Variants in NALF1 observed in about 807,000 individuals in gnomAD.
NALF1 encodes NALCN channel auxiliary factor 1, also known as family with sequence similarity 155 member A.
In NALF1, 3 loss-of-function variants were observed where a neutral mutation model predicts 48.4. The ratio of observed to expected loss-of-function variants is 0.06; its 90% CI spans 0.03 to 0.16. The LOEUF (loss-of-function observed/expected upper bound fraction) is 0.16. Ranked by LOEUF, NALF1 falls within the 10% of genes least tolerant of loss-of-function variation. The pLI is 1.00. For missense variants in NALF1, 526 were observed against 571.5 expected, an observed-to-expected ratio of 0.92 and a Z score of 0.81; for synonymous variants, 262 against 245.7, an observed-to-expected ratio of 1.07 and a Z score of -0.62.
intron 1 of NALF1, among the ~76,000 whole-genome samples, chr13:107,464,042 T>G (rs1884960380): frequency 6.6e-6 from 1 of 152,136 alleles, no homozygotes; most frequent in South Asian, 2.1e-4. Flanking sequence ...ATAGTAAGAA[T>G]GTCTTTCCAG....
intron 1 of NALF1, among the ~76,000 whole-genome samples, chr13:107,331,208 T>C (rs894577425): frequency 2.0e-5 from 3 of 152,212 alleles, no homozygotes; most frequent in Admixed American, 6.5e-5. Flanking sequence ...TTTTAGCAGT[T>C]AGAGAAATTT....
intron 2 of NALF1, among the ~76,000 whole-genome samples, chr13:107,176,673 A>T (rs1011351355): frequency 6.6e-6 from 1 of 151,944 alleles, no homozygotes; most frequent in African/African-American, 2.4e-5. Context: ...AATAATACGC[A>T]TAAATTGTTT....
chr13:107,786,527 T>A (rs963982333), intron 1 of NALF1, among the ~76,000 whole-genome samples: 2 of 150,104 alleles, frequency 1.3e-5, no homozygotes, highest in Non-Finnish European at 3.0e-5. Flanking sequence ...AGTCAGGAGT[T>A]TGAGACCAGC....
At chr13:107,444,035 A>G (rs1284318065) in intron 1 of NALF1, among the ~76,000 whole-genome samples, 1 of 152,064 alleles carries the variant, frequency 6.6e-6, no homozygotes, top group East Asian at 1.9e-4. Flanking sequence ...CATATACCTG[A>G]GTACTTTGAT....
intron 1 of NALF1, among the ~76,000 whole-genome samples, chr13:107,503,134 C>A (rs1197744152): frequency 6.6e-6 from 1 of 152,178 alleles, no homozygotes; most frequent in Non-Finnish European, 1.5e-5. Flanking sequence ...ATAGGAACTT[C>A]AGCCAGGCCA....
intron 1 of NALF1, among the ~76,000 whole-genome samples, chr13:107,831,044 G>T (rs765292260): frequency 1.3e-5 from 2 of 152,164 alleles, no homozygotes; most frequent in Non-Finnish European, 2.9e-5. Context: ...AGTTGTAAAA[G>T]ATTCCTGCAA....
intron 1 of NALF1, among the ~76,000 whole-genome samples, chr13:107,532,471 G>A (rs1314402652): frequency 6.6e-6 from 1 of 151,994 alleles, no homozygotes; most frequent in African/African-American, 2.4e-5. Context: ...CTAGTGGTGT[G>A]TGCTTCCTCA....
chr13:107,681,152 G>A (rs1881291666), intron 1 of NALF1, among the ~76,000 whole-genome samples: 1 of 152,106 alleles, frequency 6.6e-6, no homozygotes, highest in African/African-American at 2.4e-5. Flanking sequence ...AAAATACCCG[G>A]CCATACATGT....
intron 1 of NALF1, among the ~76,000 whole-genome samples, chr13:107,782,817 C>T (rs1594263091): frequency 6.6e-6 from 1 of 151,902 alleles, no homozygotes; most frequent in South Asian, 2.1e-4. Flanking sequence ...CTCCGCTTGG[C>T]AACCGCCCCG....
chr13:107,826,327 T>A (rs1727483859), intron 1 of NALF1, among the ~76,000 whole-genome samples: 1 of 151,294 alleles, frequency 6.6e-6, no homozygotes, highest in Admixed American at 6.6e-5. Flanking sequence ...GTGTGTGTAG[T>A]TCCTACCAGA....
At chr13:107,571,289 A>G (rs937379395) in intron 1 of NALF1, among the ~76,000 whole-genome samples, 1 of 152,196 alleles carries the variant, frequency 6.6e-6, no homozygotes, top group African/African-American at 2.4e-5. Flanking sequence ...TGGAAAGACC[A>G]AAGTATGATT....
intron 1 of NALF1, among the ~76,000 whole-genome samples, chr13:107,556,531 G>A (rs1158572902): frequency 1.3e-5 from 2 of 151,824 alleles, no homozygotes; most frequent in African/African-American, 4.8e-5. Flanking sequence ...CACTCTTGTT[G>A]CCCAGGCTGG....
At position 107,435,095 on chromosome 13, in the gene NALF1, TG is replaced by T. The variant is rs530624950; in HGVS notation, c.916-224341del. Among the ~76,000 whole-genome samples the T allele has an allele frequency of 1.1e-4, 16 of 151,632 alleles. No individual in the cohort carries two copies. In the East Asian group the frequency reaches 1.9e-3, roughly 18 times the overall value. On this transcript the variant is annotated intron_variant, in intron 1 of 2. Coordinates refer to ENST00000375915, the MANE Select transcript of NALF1 (RefSeq NM_001080396.3). ...TGATGGGTTTAGTAAGATTTGGGGG[TG>T]GGGGGTAGTCTTAGCAACTTAGCAC...
At chr13:107,482,064 A>AT (rs1224176744) in intron 1 of NALF1, among the ~76,000 whole-genome samples, 9 of 152,006 alleles carry the variant, frequency 5.9e-5, no homozygotes, top group South Asian at 2.1e-4. Flanking sequence ...CTGTGAAAGT[A>AT]TTTTTTTTAA....
Position 107,866,597 on chromosome 13 carries a change from A to C in NALF1, c.-1T>G. On this transcript the variant is annotated 5_prime_UTR_variant, in exon 1 of 3. Coordinates refer to ENST00000375915, the MANE Select transcript of NALF1 (RefSeq NM_001080396.3). The surrounding 1 kb of genome is among the most constrained non-coding windows in gnomAD (Gnocchi z 4.4). ...GACACATCCAAGCACCCCTGGTCAT[A>C]TTTTGGGAACGCACAGCCCTGGCCG... The C allele has an allele frequency of 6.2e-7, 1 of 1,600,922 alleles. No individual in the cohort carries two copies. Among genetic ancestry groups the C allele is most frequent in the East Asian group, 2.2e-5 (1 of 44,796 alleles).
At chr13:107,176,534 C>T (rs1227074904) in intron 2 of NALF1, among the ~76,000 whole-genome samples, 1 of 151,666 alleles carries the variant, frequency 6.6e-6, no homozygotes, top group Non-Finnish European at 1.5e-5. Context: ...CCCAGCTGCT[C>T]AGGAGGCTGA....
At chr13:107,586,897 A>G (rs1878475809) in intron 1 of NALF1, among the ~76,000 whole-genome samples, 1 of 152,094 alleles carries the variant, frequency 6.6e-6, no homozygotes, top group Admixed American at 6.6e-5. Flanking sequence ...GGAATAGATT[A>G]GAAATAGATT....
rs1446658099 is a variant in NALF1 at position 107,824,690 on chromosome 13, T to C, written c.915+40992A>G. ...GTGTAGAAGATTCCCCCATTCTGTC[T>C]ATACAAATACAGGTAATCACAAAAT... On this transcript the variant is annotated intron_variant, in intron 1 of 2. Coordinates refer to ENST00000375915, the MANE Select transcript of NALF1 (RefSeq NM_001080396.3). Among the ~76,000 whole-genome samples, 6 of 152,240 alleles carry C rather than the reference T, an allele frequency of 3.9e-5. No homozygotes were observed. In the East Asian group the frequency reaches 1.2e-3, roughly 29 times the overall value.
rs144312179 is a variant in NALF1 at position 107,575,665 on chromosome 13, A to G, written c.915+290017T>C. On this transcript the variant is annotated intron_variant, in intron 1 of 2. Transcript: ENST00000375915. ...CATTCCTCGGGATCCTTTCTCTCCC[A>G]TTTTTCCATTTTGTTAAAGATGGAC... 6.9e-3 allele frequency among the ~76,000 whole-genome samples: 1,048 copies of G among 151,962 alleles called. 11 individuals are homozygous for G. The highest frequency in any genetic ancestry group is 0.024 in the African/African-American group (1,007 of 41,464).
Sources: gnomAD v4.1 joint callset for allele counts (sites outside exome capture counted in the v4.1 genomes callset) on GRCh38, gnomAD v4.1.1 for gene constraint, Gnocchi (gnomAD v3.1) non-coding constraint, MANE v1.5 for transcripts, NCBI Gene and HGNC (gene_info 2026-07-23, HGNC 2026-07-21) for gene names.